Variants in TNRC18 observed in about 807,000 individuals in gnomAD.
The protein encoded by TNRC18 is trinucleotide repeat-containing gene 18 protein.
A neutral mutation model predicts 226.7 loss-of-function variants in TNRC18; 69 were observed. The ratio of observed to expected loss-of-function variants is 0.30; its 90% confidence interval spans 0.25 to 0.37. The LOEUF is 0.37. TNRC18 is among the 10% of genes least tolerant of loss of function. The pLI, the probability that TNRC18 is intolerant of heterozygous loss-of-function variation, is 1.00. For synonymous variants in TNRC18, 2,449 were observed against 1,927.6 expected (o/e 1.27, Z -7.09); for missense variants, 4,754 against 4,256.6 (o/e 1.12, Z -3.25).
chr7:5,351,250 T>A (rs1412259363), intron 17 of TNRC18, among the ~76,000 whole-genome samples: 3 of 150,832 alleles, frequency 2.0e-5, no homozygotes, highest in African/African-American at 7.3e-5. Context: ...CAACCTAATG[T>A]CTAGTAAGGA....
chr7:5,404,763 A>AGTGTGTGTGTGT lies in TNRC18; in HGVS notation c.188-10180_188-10169dup, dbSNP rs57464872. On this transcript the variant is annotated intron_variant, in intron 2 of 29. Transcript: ENST00000430969. ...ACCCCAGCAGCGCATGCACACTTTC[A>AGTGTGTGTGTGT]GTGTGTGTGTGTGTGTGTGTGTGTG... Among the ~76,000 whole-genome samples the AGTGTGTGTGTGT allele has an allele frequency of 3.0e-3, 444 of 147,226 alleles. 4 individuals carry two copies. The highest frequency in any genetic ancestry group is 8.3e-3 in the African/African-American group (330 of 39,858).
chr7:5,335,339 G>A (rs1179007513), intron 18 of TNRC18, among the ~76,000 whole-genome samples: 1 of 148,484 alleles, frequency 6.7e-6, no homozygotes, highest in East Asian at 2.0e-4. Context: ...GCCAGGCACA[G>A]TGGCTCACAC....
At position 5,306,988 on chromosome 7, in the gene TNRC18, T is replaced by TTAAG; in HGVS notation, c.*1114_*1117dup. On this transcript the variant is annotated 3_prime_UTR_variant, in exon 30 of 30. Transcript: ENST00000430969. ...TTTCCCTTGAAGGCTTGGGGCCTGG[T>TTAAG]TAAGTGCTTTCTGGGGCCCAAGCAG... 1 of 151,284 alleles carries TTAAG rather than the reference T, an allele frequency of 6.6e-6. No homozygotes were observed. The highest frequency in any genetic ancestry group is 2.1e-4 in the South Asian group (1 of 4,788). 9.4% of individuals were successfully genotyped at this position (151,284 alleles called of 1,614,324 possible). A position where few individuals can be genotyped will look rare whatever the true frequency, so the allele number is the denominator to read the frequency against.
intron 5 of TNRC18, among the ~76,000 whole-genome samples, chr7:5,378,411 T>C (rs1779161396): frequency 6.6e-6 from 1 of 151,790 alleles, no homozygotes; most frequent in South Asian, 2.1e-4. Flanking sequence ...TTTTATTTTA[T>C]TTTTATTTAT....
In TNRC18 at chr7:5,423,481, C is replaced by T. The variant is rs983952616; in HGVS notation, c.-284G>A. The T allele has an allele frequency of 1.3e-5, 2 of 152,128 alleles. No homozygotes were observed. The highest frequency in any genetic ancestry group is 4.8e-5 in the African/African-American group (2 of 41,448). 9.4% of individuals were successfully genotyped at this position (152,128 alleles called of 1,614,324 possible). A position where few individuals can be genotyped will look rare whatever the true frequency, so the allele number is the denominator to read the frequency against. ...TCACGGCTCCAGGCTCCGGCGACAA[C>T]GACTCCGGCGGCGGCCCCGGCTCCC... On this transcript the variant is annotated 5_prime_UTR_variant, in exon 1 of 30. Transcript: ENST00000430969.
At chr7:5,345,517 G>GGGGCGGCCCCC in intron 18 of TNRC18, 45 bp downstream of exon 18, 1 of 377,744 alleles carries the variant, frequency 2.6e-6, no homozygotes. Context: ...AATGGCGTCC[G>GGGGCGGCCCCC]CCCCTCCCAC....
rs189071062 is a variant in TNRC18, at chr7:5,413,009, G to A, written c.187+8051C>T. 7.4e-4 allele frequency among the ~76,000 whole-genome samples: 112 copies of A among 152,312 alleles called. 1 individual carries two copies. The highest frequency in any genetic ancestry group is 1.4e-3 in the Non-Finnish European group (93 of 68,028). ...GACTTCCTCCCAAGTCACATGCCAG[G>A]CCTCTGTGGGCAGCAGAGGTGGTAA... is the stretch of plus-strand genomic sequence containing the variant. On this transcript the variant is annotated intron_variant, in intron 2 of 29. Transcript: ENST00000430969.
At chr7:5,334,647 G>A (rs1431312518) in intron 18 of TNRC18, among the ~76,000 whole-genome samples, 1 of 152,144 alleles carries the variant, frequency 6.6e-6, no homozygotes, top group African/African-American at 2.4e-5. Flanking sequence ...AGGGGCTTTT[G>A]AGGCTGATGT....
chr7:5,385,441 T>C (rs918944774), intron 5 of TNRC18, among the ~76,000 whole-genome samples: 1 of 142,772 alleles, frequency 7.0e-6, no homozygotes, highest in Non-Finnish European at 1.5e-5. Flanking sequence ...TGAGCCGAGA[T>C]TGCGCCACTG....
chr7:5,405,386 T>C (rs1447953813), intron 2 of TNRC18, among the ~76,000 whole-genome samples: 4 of 152,030 alleles, frequency 2.6e-5, no homozygotes, highest in Non-Finnish European at 5.9e-5. Flanking sequence ...CTGGCCAACA[T>C]GGTAAAACCC....
chr7:5,374,433 T>TCC lies in TNRC18; in HGVS notation c.2849_2850dup (p.Ser951GlyfsTer41). The TCC allele has an allele frequency of 6.5e-7, 1 of 1,544,994 alleles. No homozygotes were observed. The highest frequency in any genetic ancestry group is 8.7e-7 in the Non-Finnish European group (1 of 1,144,890). On this transcript the variant is annotated frameshift_variant, in exon 10 of 30. Transcript: ENST00000430969. LOFTEE classifies it high-confidence loss of function. ...CCCGCAGCCTCCAGGCCCCGCTTGC[T>TCC]CCCCTTCTCTTCCATCTCCGCCCGG...
chr7:5,420,233 C>G, intron 2 of TNRC18: 1 of 364,280 alleles, frequency 2.7e-6, no homozygotes, highest in Non-Finnish European at 5.5e-6. Context: ...GTGGAGGCCG[C>G]GGGACCTTCT....
At position 5,412,244 on chromosome 7, in the gene TNRC18, GAA is replaced by G. The variant is rs55864404; in HGVS notation, c.187+8814_187+8815del. Among the ~76,000 whole-genome samples, 410 of 71,836 alleles carry G rather than the reference GAA, an allele frequency of 5.7e-3. 3 individuals are homozygous for G. The highest frequency in any genetic ancestry group is 0.011 in the African/African-American group (337 of 31,460). 47.1% of individuals were successfully genotyped at this position (71,836 alleles called of 152,430 possible). ...CCAGATATTCTAAGAAATTCCAAAT[GAA>G]AAAAAAAAAAAAAAAAAAAAGACAT... On this transcript the variant is annotated intron_variant, in intron 2 of 29. Transcript: ENST00000430969.
chr7:5,408,094 G>A (rs984086399), intron 2 of TNRC18, among the ~76,000 whole-genome samples: 5 of 152,146 alleles, frequency 3.3e-5, no homozygotes, highest in Non-Finnish European at 4.4e-5. Context: ...GAGGTTAGGA[G>A]ATCGAGACCA....
At chr7:5,345,519 C>CCCCCCCCCCCCCCA in intron 18 of TNRC18, 43 bp downstream of exon 18, 2 of 174,076 alleles carry the variant, frequency 1.1e-5, no homozygotes, top group Non-Finnish European at 2.4e-5. Flanking sequence ...TGGCGTCCGC[C>CCCCCCCCCCCCCCA]CCTCCCACCC....
intron 26 of TNRC18, 87 bp downstream of exon 26, chr7:5,314,897 G>C (rs1217847696): frequency 7.2e-7 from 1 of 1,389,524 alleles, no homozygotes; most frequent in Non-Finnish European, 9.7e-7. Context: ...ACAGCAGGCA[G>C]GCACTTCGGC....
intron 9 of TNRC18, among the ~76,000 whole-genome samples, chr7:5,375,618 C>T (rs565872615): frequency 3.9e-5 from 6 of 152,238 alleles, no homozygotes; most frequent in South Asian, 4.2e-4. Flanking sequence ...GGGACCATGC[C>T]GTCAGGAGGC....
intron 2 of TNRC18, among the ~76,000 whole-genome samples, chr7:5,402,412 G>T (rs1781169316): frequency 6.6e-6 from 1 of 151,836 alleles, no homozygotes; most frequent in Non-Finnish European, 1.5e-5. Context: ...GTGTGGGCCT[G>T]TAATCCCAGC....
At chr7:5,347,899 G>T (rs760049961) in intron 17 of TNRC18, among the ~76,000 whole-genome samples, 10 of 152,164 alleles carry the variant, frequency 6.6e-5, no homozygotes, top group African/African-American at 9.7e-5. Context: ...AGGTTACAGT[G>T]AGCCGCGATC....
Sources: gnomAD v4.1 joint callset for allele counts (sites outside exome capture counted in the v4.1 genomes callset) on GRCh38, gnomAD v4.1.1 for gene constraint, MANE v1.5 for transcripts, NCBI Gene and HGNC (gene_info 2026-07-23, HGNC 2026-07-21) for gene names.